CMSS1: variants seen among roughly 807,000 people sequenced by gnomAD.
The protein encoded by CMSS1 is protein CMSS1.
CMSS1 carries 33 observed loss-of-function variants against 43.5 expected under a neutral mutation model. The ratio of observed to expected loss-of-function variants is 0.76; its 90% confidence interval spans 0.57 to 1.01. CMSS1 has a LOEUF of 1.01. Ranked by LOEUF, CMSS1 falls within the 50% of genes least tolerant of loss-of-function variation. The probability of loss-of-function intolerance (pLI) is 0.00; values close to 1 mark genes in which losing one functional copy is unlikely to be tolerated. For synonymous variants in CMSS1, 115 were observed against 117.2 expected, an observed-to-expected ratio of 0.98 and a Z score of 0.12; for missense variants, 313 against 326.4, an observed-to-expected ratio of 0.96 and a Z score of 0.32.
chr3:99,928,150 G>T, intron 1 of CMSS1, among the ~76,000 whole-genome samples: 1 of 152,216 alleles, frequency 6.6e-6, no homozygotes, highest in Non-Finnish European at 1.5e-5. Flanking sequence ...AGTCACAGCT[G>T]GTCTCAGCAG....
intron 1 of CMSS1, among the ~76,000 whole-genome samples, chr3:99,943,610 A>G (rs1348920238): frequency 6.6e-6 from 1 of 152,146 alleles, no homozygotes. Flanking sequence ...AGGCTGAGGC[A>G]GGAGAATCGC....
intron 1 of CMSS1, among the ~76,000 whole-genome samples, chr3:99,958,543 G>A (rs77211113): frequency 0.028 from 4,295 of 152,294 alleles, 77 homozygotes; most frequent in Non-Finnish European, 0.045. Context: ...CCACAGAAGG[G>A]TAGGAGGAAT....
chr3:99,991,758 T>C (rs1462815034), intron 1 of CMSS1, among the ~76,000 whole-genome samples: 2 of 151,958 alleles, frequency 1.3e-5, no homozygotes, highest in African/African-American at 2.4e-5. Flanking sequence ...GTTCCATCTA[T>C]GTTGCTGCAA....
chr3:100,053,232 T>C (rs535835985), intron 1 of CMSS1, among the ~76,000 whole-genome samples: 48 of 152,320 alleles, frequency 3.2e-4, no homozygotes, highest in African/African-American at 1.2e-3. Context: ...CATAACAGAT[T>C]ACCACAAATT....
intron 1 of CMSS1, among the ~76,000 whole-genome samples, chr3:100,096,503 C>T (rs1433887696): frequency 6.6e-6 from 1 of 151,940 alleles, no homozygotes; most frequent in Non-Finnish European, 1.5e-5. Context: ...GTGAAATAAG[C>T]CACGCACAAA....
chr3:99,882,074 C>G (rs537450634), intron 1 of CMSS1, among the ~76,000 whole-genome samples: 1 of 152,208 alleles, frequency 6.6e-6, no homozygotes, highest in Non-Finnish European at 1.5e-5. Flanking sequence ...ATCTTTGGAA[C>G]TCAAATAGAG....
chr3:100,165,515 C>G (rs2107528685), intron 4 of CMSS1, among the ~76,000 whole-genome samples: 1 of 152,064 alleles, frequency 6.6e-6, no homozygotes, highest in Admixed American at 6.5e-5. Context: ...TGTGCTAATG[C>G]TTTCGTTCTG....
intron 1 of CMSS1, among the ~76,000 whole-genome samples, chr3:99,877,909 G>A (rs972415859): frequency 1.3e-5 from 2 of 152,040 alleles, no homozygotes; most frequent in African/African-American, 4.8e-5. Flanking sequence ...CCCTCTGATA[G>A]GCAAATATGT....
chr3:99,890,689 A>G (rs1310590719), intron 1 of CMSS1, among the ~76,000 whole-genome samples: 2 of 149,366 alleles, frequency 1.3e-5, no homozygotes, highest in Non-Finnish European at 1.5e-5. Flanking sequence ...ACCATTTTCT[A>G]TAGTCTTTTA....
chr3:99,880,259 G>T (rs756387767), intron 1 of CMSS1, among the ~76,000 whole-genome samples: 1 of 151,904 alleles, frequency 6.6e-6, no homozygotes, highest in Non-Finnish European at 1.5e-5. Flanking sequence ...AGTTCTTTGG[G>T]TGCCACCTGT....
At chr3:99,961,226 C>T (rs942065527) in intron 1 of CMSS1, among the ~76,000 whole-genome samples, 2 of 152,176 alleles carry the variant, frequency 1.3e-5, no homozygotes, top group African/African-American at 2.4e-5. Flanking sequence ...CGAGGGGATC[C>T]GGACTTGCCT....
At chr3:99,854,635 T>C (rs1943866719) in intron 1 of CMSS1, among the ~76,000 whole-genome samples, 1 of 151,818 alleles carries the variant, frequency 6.6e-6, no homozygotes, top group Non-Finnish European at 1.5e-5. Flanking sequence ...TTTAGCAGCA[T>C]CCCTTTGTTG....
intron 1 of CMSS1, among the ~76,000 whole-genome samples, chr3:99,835,050 C>T (rs754092285): frequency 7.9e-5 from 12 of 152,124 alleles, no homozygotes; most frequent in Admixed American, 3.3e-4. Context: ...TCTTAAGATG[C>T]CTATTTCTTG....
intron 1 of CMSS1, among the ~76,000 whole-genome samples, chr3:99,920,964 C>T (rs1707106284): frequency 6.6e-6 from 1 of 152,184 alleles, no homozygotes; most frequent in South Asian, 2.1e-4. Flanking sequence ...TTCAGAGTTT[C>T]AACCAGATAC....
intron 1 of CMSS1, among the ~76,000 whole-genome samples, chr3:100,064,557 A>C (rs1456358463): frequency 1.3e-5 from 2 of 152,150 alleles, no homozygotes; most frequent in Non-Finnish European, 2.9e-5. Flanking sequence ...CCACTATTAT[A>C]TGTAGAGAAC....
intron 1 of CMSS1, among the ~76,000 whole-genome samples, chr3:99,831,238 A>G (rs1942659722): frequency 1.3e-5 from 2 of 152,354 alleles, no homozygotes; most frequent in East Asian, 3.9e-4. Context: ...ATGAGGCCAA[A>G]GCTTCAGGAA....
chr3:100,016,184 C>T lies in CMSS1; in HGVS notation c.65-130789C>T, dbSNP rs551340025. Among the ~76,000 whole-genome samples the T allele has an allele frequency of 3.3e-5, 5 of 152,000 alleles. No individual in the cohort carries two copies. The South Asian group carries it at 1.0e-3, about 32-fold the overall frequency. ...GTGCTGAGCATTGGGGCTATTGGGT[C>T]AGCTTTTGTTTGTTTGTTTGTTTTT... On this transcript the variant is annotated intron_variant, in intron 1 of 9. Coordinates refer to ENST00000421999, the MANE Select transcript of CMSS1 (RefSeq NM_032359.4).
At chr3:99,969,576 A>C (rs1176967870) in intron 1 of CMSS1, among the ~76,000 whole-genome samples, 1 of 152,204 alleles carries the variant, frequency 6.6e-6, no homozygotes, top group Non-Finnish European at 1.5e-5. Flanking sequence ...CAACTGGGTA[A>C]AGCAGTGAGG....
intron 1 of CMSS1, among the ~76,000 whole-genome samples, chr3:100,099,446 G>A (rs2066266806): frequency 6.6e-6 from 1 of 152,156 alleles, no homozygotes. Flanking sequence ...GAAGGTAGAG[G>A]AAGAAGAGAG....
Sources: allele counts gnomAD v4.1 joint callset (sites outside exome capture counted in the v4.1 genomes callset), GRCh38; gene constraint gnomAD v4.1.1; transcripts MANE v1.5; gene names NCBI Gene and HGNC (gene_info 2026-07-23, HGNC 2026-07-21).